CALN1: variants seen among roughly 807,000 people sequenced by gnomAD.
CALN1 encodes calneuron 1, also known as calcium-binding protein 8.
Under a neutral mutation model 30.6 loss-of-function variants are expected in CALN1, and 17 were observed. The observed-to-expected ratio is 0.56, with a 90% CI of 0.38 to 0.83. The LOEUF (loss-of-function observed/expected upper bound fraction) is 0.83. Among genes scored for constraint, CALN1 ranks in the 40% least tolerant of loss-of-function variants. The probability of loss-of-function intolerance (pLI) is 0.00; values close to 1 mark genes in which losing one functional copy is unlikely to be tolerated. For synonymous variants in CALN1, 156 were observed against 131.4 expected, an observed-to-expected ratio of 1.19 and a Z score of -1.28; for missense variants, 291 against 354.9, an observed-to-expected ratio of 0.82 and a Z score of 1.45.
chr7:71,847,805 A>AAGAAGG (rs759149826), intron 5 of CALN1, among the ~76,000 whole-genome samples: 2,557 of 124,508 alleles, frequency 0.021, 43 homozygotes, highest in Non-Finnish European at 0.031. Flanking sequence ...AAAAGAAGAA[A>AAGAAGG]AGAAGGAGAA....
the CALN1 span, among the ~76,000 whole-genome samples, chr7:72,489,047 C>G: frequency 1.3e-5 from 2 of 152,090 alleles, no homozygotes; most frequent in Non-Finnish European, 2.9e-5. Flanking sequence ...TAAACTCAAT[C>G]CCCAGTTATG....
chr7:72,377,276 T>C (rs1023065017), intron 2 of CALN1, among the ~76,000 whole-genome samples: 8 of 152,176 alleles, frequency 5.3e-5, no homozygotes, highest in African/African-American at 1.4e-4. Context: ...TGGGGACTCT[T>C]GTCTTTAGCT....
chr7:72,075,879 G>A (rs1283717643), intron 4 of CALN1, among the ~76,000 whole-genome samples: 1 of 152,160 alleles, frequency 6.6e-6, no homozygotes, highest in African/African-American at 2.4e-5. Flanking sequence ...AATGTGCTGG[G>A]GAGGAAGGGT....
intron 4 of CALN1, among the ~76,000 whole-genome samples, chr7:72,051,939 A>C (rs1384794445): frequency 6.6e-6 from 1 of 152,206 alleles, no homozygotes; most frequent in Admixed American, 6.5e-5. Context: ...ATATTCTCCT[A>C]CACCAGAGGA....
intron 4 of CALN1, among the ~76,000 whole-genome samples, chr7:72,096,042 AAGATAGATAGATAGATAGAT>A (rs10664390): frequency 1.4e-5 from 2 of 143,078 alleles, no homozygotes; most frequent in Admixed American, 7.1e-5. Context: ...TTGTCTCTAA[AAGATAGATAGATAGATAGAT>A]AGATAGATAG....
chr7:72,484,379 C>T, the CALN1 span, among the ~76,000 whole-genome samples: 1 of 152,010 alleles, frequency 6.6e-6, no homozygotes, highest in African/African-American at 2.4e-5. Flanking sequence ...GTTAATTATT[C>T]TCCTGTTGAG....
intron 2 of CALN1, among the ~76,000 whole-genome samples, chr7:72,397,262 T>C (rs894812879): frequency 6.6e-6 from 1 of 151,964 alleles, no homozygotes; most frequent in Admixed American, 6.6e-5. Context: ...GAAGTAACAA[T>C]AGAAAACAGC....
intron 3 of CALN1, among the ~76,000 whole-genome samples, chr7:72,248,623 C>A (rs1024981322): frequency 7.2e-5 from 11 of 152,130 alleles, no homozygotes; most frequent in African/African-American, 2.4e-4. Flanking sequence ...TTATTCCCAC[C>A]CAGATAACCT....
At chr7:71,931,863 T>TC (rs398040321) in intron 5 of CALN1, among the ~76,000 whole-genome samples, 1 of 152,146 alleles carries the variant, frequency 6.6e-6, no homozygotes, top group Non-Finnish European at 1.5e-5. Context: ...ACTCATTTCT[T>TC]AGACTTCTTT....
chr7:71,974,237 GCAAAACCCTGTGTTTA>G (rs1797989381), intron 5 of CALN1, among the ~76,000 whole-genome samples: 1 of 151,858 alleles, frequency 6.6e-6, no homozygotes, highest in Non-Finnish European at 1.5e-5. Context: ...GGCCAACATG[GCAAAACCCTGTGTTTA>G]CTAAAACTAC....
chr7:72,081,933 G>C (rs1584904033), intron 4 of CALN1, among the ~76,000 whole-genome samples: 1 of 152,152 alleles, frequency 6.6e-6, no homozygotes, highest in African/African-American at 2.4e-5. Context: ...GCTCCCAGAG[G>C]TTTTCATTCA....
At chr7:71,984,764 C>T (rs1798576260) in intron 5 of CALN1, among the ~76,000 whole-genome samples, 1 of 152,224 alleles carries the variant, frequency 6.6e-6, no homozygotes, top group Non-Finnish European at 1.5e-5. Flanking sequence ...ACAGCAATAA[C>T]TTTAGCATAC....
intron 2 of CALN1, among the ~76,000 whole-genome samples, chr7:72,304,553 G>C (rs1184654428): frequency 2.0e-5 from 3 of 152,208 alleles, no homozygotes; most frequent in African/African-American, 7.2e-5. Flanking sequence ...CAGAATCACT[G>C]AGATGAAAAA....
At chr7:72,376,106 T>G (rs1051839047) in intron 2 of CALN1, among the ~76,000 whole-genome samples, 1 of 152,270 alleles carries the variant, frequency 6.6e-6, no homozygotes, top group Non-Finnish European at 1.5e-5. Flanking sequence ...ATATCCACTT[T>G]ATGGATTATA....
intron 5 of CALN1, among the ~76,000 whole-genome samples, chr7:71,985,510 A>T (rs769369288): frequency 7.9e-5 from 12 of 151,736 alleles, no homozygotes; most frequent in Non-Finnish European, 1.5e-4. Context: ...CAACTTACCA[A>T]TTCTTAATGG....
upstream of CALN1, among the ~76,000 whole-genome samples, chr7:72,416,452 C>T (rs1031351595): frequency 5.3e-5 from 8 of 152,122 alleles, no homozygotes; most frequent in Non-Finnish European, 1.0e-4. Context: ...GCCGGGAACC[C>T]GGCTGGGCAC....
At chr7:72,089,810 C>T (rs1398178928) in intron 4 of CALN1, among the ~76,000 whole-genome samples, 1 of 152,136 alleles carries the variant, frequency 6.6e-6, no homozygotes, top group Admixed American at 6.6e-5. Context: ...AGTAACATAA[C>T]ATCAATACAT....
intron 5 of CALN1, among the ~76,000 whole-genome samples, chr7:71,896,224 C>T (rs1793523500): frequency 6.6e-6 from 1 of 152,198 alleles, no homozygotes; most frequent in South Asian, 2.1e-4. Context: ...GGTAATGTCA[C>T]ATTTCTTTGC....
chr7:72,131,304 G>T (rs1809130094), intron 3 of CALN1, among the ~76,000 whole-genome samples: 1 of 152,154 alleles, frequency 6.6e-6, no homozygotes, highest in African/African-American at 2.4e-5. Context: ...GATTCAAGAT[G>T]CTATGGTGAT....
Sources: allele counts gnomAD v4.1 joint callset (sites outside exome capture counted in the v4.1 genomes callset), GRCh38; gene constraint gnomAD v4.1.1; transcripts MANE v1.5; gene names NCBI Gene and HGNC (gene_info 2026-07-23, HGNC 2026-07-21).